The following AKT3 variants were observed in gnomAD, a reference collection of about 807,000 sequenced individuals.
AKT3 encodes the protein AKT serine/threonine kinase 3.
Under a neutral mutation model 65.3 loss-of-function variants are expected in AKT3, and 15 were observed. The ratio of observed to expected loss-of-function variants is 0.23; its 90% CI spans 0.15 to 0.35. The LOEUF (loss-of-function observed/expected upper bound fraction) is 0.35, where lower values mean the gene tolerates loss of function less well. Among genes scored for constraint, AKT3 ranks in the 10% least tolerant of loss-of-function variants. AKT3 has a pLI of 1.00. For missense variants in AKT3, 243 were observed against 576.5 expected, an observed-to-expected ratio of 0.42 and a Z score of 5.92; for synonymous variants, 206 against 183.8, an observed-to-expected ratio of 1.12 and a Z score of -0.98.
intron 11 of AKT3, 110 bp from the exon 12 acceptor site, chr1:243,545,707 G>T (rs1672618895): frequency 4.2e-6 from 3 of 710,236 alleles, no homozygotes; most frequent in Non-Finnish European, 7.0e-6. Flanking sequence ...AACAGTTCTT[G>T]GGATAAATAG....
At chr1:243,629,828 G>T (rs934286164) in intron 6 of AKT3, among the ~76,000 whole-genome samples, 1 of 152,104 alleles carries the variant, frequency 6.6e-6, no homozygotes, top group Admixed American at 6.5e-5. Flanking sequence ...GAGATATGCA[G>T]CAATGCAGAC....
intron 12 of AKT3, among the ~76,000 whole-genome samples, chr1:243,513,625 T>C (rs1670156710): frequency 6.6e-6 from 1 of 152,250 alleles, no homozygotes; most frequent in South Asian, 2.1e-4. Flanking sequence ...TTTCAGTTTA[T>C]GGTACATGCT....
At chr1:243,665,413 A>T (rs1001177569) in intron 3 of AKT3, among the ~76,000 whole-genome samples, 2 of 152,198 alleles carry the variant, frequency 1.3e-5, no homozygotes, top group African/African-American at 4.8e-5. Flanking sequence ...AATATCACTT[A>T]TCCTTACCTA....
chr1:243,489,370 G>T (rs1665816980), intron 13 of AKT3, among the ~76,000 whole-genome samples: 1 of 152,218 alleles, frequency 6.6e-6, no homozygotes, highest in South Asian at 2.1e-4. Flanking sequence ...ACCCCGGCCC[G>T]CGAATCAACG....
intron 2 of AKT3, among the ~76,000 whole-genome samples, chr1:243,838,518 T>C (rs559274891): frequency 2.0e-4 from 31 of 151,974 alleles, no homozygotes; most frequent in Middle Eastern, 3.4e-3. Context: ...ATGCACAAAA[T>C]AAAGGAGAAG....
intron 2 of AKT3, among the ~76,000 whole-genome samples, chr1:243,748,567 A>G (rs1207454810): frequency 6.6e-6 from 1 of 152,206 alleles, no homozygotes. Flanking sequence ...TATAAAGAAA[A>G]TAAATTCACA....
At chr1:243,805,643 T>A (rs1323803250) in intron 2 of AKT3, among the ~76,000 whole-genome samples, 1 of 152,174 alleles carries the variant, frequency 6.6e-6, no homozygotes, top group Admixed American at 6.5e-5. Context: ...TTTCATTTCC[T>A]CATGCACACC....
At chr1:243,766,608 C>T (rs1466713250) in intron 2 of AKT3, among the ~76,000 whole-genome samples, 1 of 152,116 alleles carries the variant, frequency 6.6e-6, no homozygotes, top group African/African-American at 2.4e-5. Flanking sequence ...CCAATCTCAG[C>T]CACTCAAGAG....
At chr1:243,785,346 G>A (rs1691196337) in intron 2 of AKT3, among the ~76,000 whole-genome samples, 1 of 151,294 alleles carries the variant, frequency 6.6e-6, no homozygotes, top group African/African-American at 2.4e-5. Flanking sequence ...CCAAAGTGTT[G>A]GGATTACAGG....
chr1:243,558,415 T>TTA (rs1558614021), intron 10 of AKT3, among the ~76,000 whole-genome samples: 1 of 152,054 alleles, frequency 6.6e-6, no homozygotes, highest in East Asian at 1.9e-4. Flanking sequence ...ATATGCAAGA[T>TTA]ATTAAAGATA....
Position 243,543,902 on chromosome 1 carries a change from A to G in AKT3, c.1251+1608T>C, listed in dbSNP as rs1294680323. Among the ~76,000 whole-genome samples the G allele has an allele frequency of 2.0e-5, 3 of 152,206 alleles. No homozygotes were observed. In the East Asian group the frequency reaches 5.8e-4, roughly 29 times the overall value. On this transcript the variant is annotated intron_variant, in intron 12 of 13. Coordinates refer to ENST00000673466, the MANE Select transcript of AKT3 (RefSeq NM_005465.7). Reference sequence around the variant, plus strand: ...GTTACAAGAAACAGAAAATCACCATACTCCCAGTAACCAATAACATAATAC... The same window carrying G: ...GTTACAAGAAACAGAAAATCACCATGCTCCCAGTAACCAATAACATAATAC...
chr1:243,490,199 C>T (rs1239903996), intron 13 of AKT3, among the ~76,000 whole-genome samples: 1 of 152,270 alleles, frequency 6.6e-6, no homozygotes, highest in Non-Finnish European at 1.5e-5. Flanking sequence ...GGTCCAAAAT[C>T]CCTCTGCCAA....
At chr1:243,506,034 A>G (rs545554937) in intron 13 of AKT3, among the ~76,000 whole-genome samples, 72 of 152,358 alleles carry the variant, frequency 4.7e-4, no homozygotes, top group African/African-American at 1.5e-3. Context: ...AAGATCACAG[A>G]TGATCAGCAC....
At chr1:243,505,798 AT>A (rs1669631538) in intron 13 of AKT3, among the ~76,000 whole-genome samples, 1 of 152,262 alleles carries the variant, frequency 6.6e-6, no homozygotes, top group Non-Finnish European at 1.5e-5. Flanking sequence ...AAAGCTTCTT[AT>A]GAAATTTCAT....
intron 12 of AKT3, among the ~76,000 whole-genome samples, chr1:243,530,560 A>G: frequency 6.6e-6 from 1 of 152,332 alleles, no homozygotes; most frequent in South Asian, 2.1e-4. Context: ...AAACGCCCAC[A>G]TAAAAAGTTA....
At position 243,545,572 on chromosome 1, in the gene AKT3, T is replaced by C; in HGVS notation, c.1189A>G (p.Lys397Glu). ...AAGAAACTGTGTCTCATAATTTCTTTTGCATCATCTGGTCCTCCACCAAGG... is the reference window on the plus strand; with the variant it reads ...AAGAAACTGTGTCTCATAATTTCTTCTGCATCATCTGGTCCTCCACCAAGG... Reference protein sequence around the residue: ...KRLGGGPDDAKEIMRHSFFSG... With the variant: ...KRLGGGPDDAEEIMRHSFFSG... The change falls in exon 12 of 14, where the codon AAA becomes GAA. Residue 397 changes from lysine to glutamate, a missense_variant. Physicochemically the swap from Lys to Glu is moderately conservative, Grantham distance 56 (BLOSUM62 1). Coordinates refer to ENST00000673466, the MANE Select transcript of AKT3 (RefSeq NM_005465.7). 2 of 1,612,896 alleles carry C rather than the reference T, an allele frequency of 1.2e-6. No homozygotes were observed. The highest frequency in any genetic ancestry group is 1.3e-5 in the African/African-American group (1 of 75,030).
intron 13 of AKT3, among the ~76,000 whole-genome samples, chr1:243,508,584 G>A (rs755289626): frequency 7.4e-5 from 11 of 149,494 alleles, no homozygotes; most frequent in Non-Finnish European, 1.0e-4. Context: ...CTGGGCTCTC[G>A]TTTCCGTACT....
At chr1:243,735,456 A>G (rs1464771459) in intron 2 of AKT3, among the ~76,000 whole-genome samples, 1 of 152,222 alleles carries the variant, frequency 6.6e-6, no homozygotes, top group Non-Finnish European at 1.5e-5. Context: ...CATGTTTCTA[A>G]AAATATCATC....
intron 2 of AKT3, among the ~76,000 whole-genome samples, chr1:243,718,643 A>ATTT (rs5782266): frequency 6.8e-6 from 1 of 147,296 alleles, no homozygotes; most frequent in Non-Finnish European, 1.5e-5. Context: ...TCTTTTTTGT[A>ATTT]TTTTTTTTTT....
Sources: allele counts gnomAD v4.1 joint callset (sites outside exome capture counted in the v4.1 genomes callset), GRCh38; gene constraint gnomAD v4.1.1; transcripts MANE v1.5; gene names NCBI Gene and HGNC (gene_info 2026-07-23, HGNC 2026-07-21).